Variants in BTBD9 observed in about 807,000 individuals in gnomAD.
BTBD9 encodes the protein BTB/POZ domain-containing protein 9.
BTBD9 carries 49 observed loss-of-function variants against 64.3 expected under a neutral mutation model. The observed-to-expected ratio is 0.76, with a 90% confidence interval of 0.61 to 0.97. The LOEUF is 0.97. BTBD9 is among the 50% of genes least tolerant of loss of function. The pLI is 0.00. For missense variants in BTBD9, 598 were observed against 762.1 expected, an observed-to-expected ratio of 0.78 and a Z score of 2.53; for synonymous variants, 260 against 274.7, an observed-to-expected ratio of 0.95 and a Z score of 0.53.
At chr6:38,230,735 C>T (rs1763576082) in intron 9 of BTBD9, among the ~76,000 whole-genome samples, 1 of 152,094 alleles carries the variant, frequency 6.6e-6, no homozygotes, top group Non-Finnish European at 1.5e-5. Flanking sequence ...TGTTAATTCC[C>T]TCTTCAGGGC....
chr6:38,344,936 A>G (rs1562053267), intron 7 of BTBD9, 48 bp downstream of exon 7: 1 of 1,231,196 alleles, frequency 8.1e-7, no homozygotes, highest in Admixed American at 1.9e-5. Flanking sequence ...AAGTATTTGA[A>G]GATAAAATAT....
chr6:38,306,499 T>C (rs549813727), intron 7 of BTBD9, among the ~76,000 whole-genome samples: 24 of 152,346 alleles, frequency 1.6e-4, no homozygotes, highest in Non-Finnish European at 3.2e-4. Flanking sequence ...AAAAGTTGCA[T>C]GTTAACAAAG....
intron 9 of BTBD9, among the ~76,000 whole-genome samples, chr6:38,235,964 C>G (rs183315470): frequency 6.6e-6 from 1 of 152,186 alleles, no homozygotes; most frequent in East Asian, 1.9e-4. Flanking sequence ...ACCCCTGGCC[C>G]GAGGTAGAAA....
chr6:38,400,023 A>C (rs1766860063), intron 6 of BTBD9, among the ~76,000 whole-genome samples: 1 of 151,620 alleles, frequency 6.6e-6, no homozygotes, highest in Non-Finnish European at 1.5e-5. Flanking sequence ...CGGCCTCCCA[A>C]AGTGCTGGGA....
chr6:38,423,291 C>A (rs1457277686), intron 6 of BTBD9, among the ~76,000 whole-genome samples: 3 of 151,820 alleles, frequency 2.0e-5, no homozygotes, highest in South Asian at 2.1e-4. Flanking sequence ...AAATTAAAAC[C>A]TTATTATTAT....
intron 6 of BTBD9, among the ~76,000 whole-genome samples, chr6:38,475,527 G>C (rs1234262935): frequency 6.6e-6 from 1 of 152,140 alleles, no homozygotes; most frequent in Non-Finnish European, 1.5e-5. Context: ...GCACTAATCT[G>C]ACACAACATA....
intron 6 of BTBD9, among the ~76,000 whole-genome samples, chr6:38,517,810 G>A (rs1027386852): frequency 1.3e-5 from 2 of 151,920 alleles, no homozygotes; most frequent in African/African-American, 4.8e-5. Context: ...ATAACACATC[G>A]AATCCATTTC....
At chr6:38,357,123 G>A (rs1331998973) in intron 6 of BTBD9, among the ~76,000 whole-genome samples, 1 of 152,180 alleles carries the variant, frequency 6.6e-6, no homozygotes, top group Non-Finnish European at 1.5e-5. Flanking sequence ...GGATGAGGGA[G>A]AAACGGTCAG....
Position 38,396,925 on chromosome 6 carries a change from A to G in BTBD9, c.1155-51832T>C, listed in dbSNP as rs1233642442. Among the ~76,000 whole-genome samples the G allele has an allele frequency of 2.4e-5, 3 of 124,708 alleles. No homozygotes were observed. The East Asian group carries it at 7.2e-4, about 30-fold the overall frequency. The allele number at this position is 124,708 out of a possible 152,430, so 81.8% of individuals were successfully genotyped here. A position where few individuals can be genotyped will look rare whatever the true frequency, so the allele number is the denominator to read the frequency against. ...TTTTTTTTTTTTTTTTTTTTGAGAC[A>G]AGGTCTCACTCTGTCGTCCAGCCTG... is the stretch of plus-strand genomic sequence containing the variant. On this transcript the variant is annotated intron_variant, in intron 6 of 10. Transcript: ENST00000481247.
chr6:38,480,058 T>C (rs1431311826), intron 6 of BTBD9, among the ~76,000 whole-genome samples: 1 of 152,218 alleles, frequency 6.6e-6, no homozygotes, highest in Non-Finnish European at 1.5e-5. Flanking sequence ...TAAACGCTCT[T>C]TTCTATAGAC....
At chr6:38,250,519 T>C (rs1764354390) in intron 9 of BTBD9, among the ~76,000 whole-genome samples, 2 of 152,238 alleles carry the variant, frequency 1.3e-5, no homozygotes, top group African/African-American at 4.8e-5. Context: ...AGATCTGTCA[T>C]GAACAATGTT....
intron 9 of BTBD9, among the ~76,000 whole-genome samples, chr6:38,228,370 A>AG (rs1763480720): frequency 7.1e-6 from 1 of 140,626 alleles, no homozygotes; most frequent in Non-Finnish European, 1.6e-5. Flanking sequence ...AAAAAAAAAA[A>AG]GAGAGAGAGT....
intron 6 of BTBD9, among the ~76,000 whole-genome samples, chr6:38,467,293 C>T (rs1188685113): frequency 6.6e-6 from 1 of 152,154 alleles, no homozygotes; most frequent in Non-Finnish European, 1.5e-5. Flanking sequence ...CTCAAAGTTT[C>T]TTCCCCTACA....
intron 6 of BTBD9, among the ~76,000 whole-genome samples, chr6:38,490,463 G>A (rs1771655846): frequency 6.6e-6 from 1 of 152,088 alleles, no homozygotes. Flanking sequence ...TGGGATTACA[G>A]GTGTGCACCA....
chr6:38,602,476 T>C (rs1044390637), intron 1 of BTBD9, among the ~76,000 whole-genome samples: 3 of 152,046 alleles, frequency 2.0e-5, no homozygotes, highest in Non-Finnish European at 4.4e-5. Context: ...AACAATAGTA[T>C]AGTGAAATAT....
At chr6:38,596,169 A>C in intron 2 of BTBD9, 1 of 566,596 alleles carries the variant, frequency 1.8e-6, no homozygotes, top group Non-Finnish European at 2.2e-6. Context: ...AACCTGTCTA[A>C]GGTAGCATTG....
intron 6 of BTBD9, among the ~76,000 whole-genome samples, chr6:38,380,883 C>T (rs1765904080): frequency 1.3e-5 from 2 of 151,802 alleles, no homozygotes; most frequent in African/African-American, 2.4e-5. Flanking sequence ...AATGGTTTAA[C>T]TTTAGAATAG....
intron 6 of BTBD9, among the ~76,000 whole-genome samples, chr6:38,407,070 C>T (rs1015695658): frequency 1.3e-5 from 2 of 152,296 alleles, no homozygotes; most frequent in South Asian, 4.1e-4. Flanking sequence ...TGGGAGTGAA[C>T]AAGAAGAAAG....
chr6:38,530,102 G>A (rs1027662836), intron 6 of BTBD9, among the ~76,000 whole-genome samples: 1 of 152,180 alleles, frequency 6.6e-6, no homozygotes, highest in African/African-American at 2.4e-5. Context: ...GTCTTCTGCA[G>A]TTGAGATAAG....
Sources: gnomAD v4.1 joint callset for allele counts (sites outside exome capture counted in the v4.1 genomes callset) on GRCh38, gnomAD v4.1.1 for gene constraint, MANE v1.5 for transcripts, NCBI Gene and HGNC (gene_info 2026-07-23, HGNC 2026-07-21) for gene names.